Variants in JARID2 observed in about 807,000 individuals in gnomAD.
JARID2 encodes the protein protein Jumonji.
Under a neutral mutation model 125.6 loss-of-function variants are expected in JARID2, and 21 were observed. The ratio of observed to expected loss-of-function variants is 0.17; its 90% CI spans 0.12 to 0.24. The LOEUF is 0.24. JARID2 is among the 10% of genes least tolerant of loss of function. The pLI is 1.00. For missense variants in JARID2, 1,303 were observed against 1,639.6 expected, an observed-to-expected ratio of 0.79 and a Z score of 3.55; for synonymous variants, 736 against 661.6, an observed-to-expected ratio of 1.11 and a Z score of -1.73.
At position 15,483,109 on chromosome 6, in the gene JARID2, A is replaced by G. The variant is rs1200421758; in HGVS notation, c.671-4198A>G. Among the ~76,000 whole-genome samples, 7 of 152,360 alleles carry G rather than the reference A, an allele frequency of 4.6e-5. No homozygotes were observed. The East Asian group carries it at 1.2e-3, about 25-fold the overall frequency. On this transcript the variant is annotated intron_variant, in intron 5 of 17. Transcript: ENST00000341776. ...GTTCATTTTTGAAAAAAATCTAGTAACTAAGTAAAAACTACAAATAACTAA... is the reference window on the plus strand; with the variant it reads ...GTTCATTTTTGAAAAAAATCTAGTAGCTAAGTAAAAACTACAAATAACTAA...
intron 11 of JARID2, 140 bp downstream of exon 11, chr6:15,507,556 T>A (rs1771063149): frequency 1.5e-6 from 1 of 658,358 alleles, no homozygotes; most frequent in African/African-American, 1.8e-5. Context: ...CAGTGAAAAT[T>A]GATTTTTAGA....
chr6:15,306,046 T>C (rs990287373), intron 1 of JARID2, among the ~76,000 whole-genome samples: 2 of 151,882 alleles, frequency 1.3e-5, no homozygotes, highest in Non-Finnish European at 2.9e-5. Context: ...CAAATCTATC[T>C]TTCTAAACGT....
At chr6:15,356,540 G>A (rs1763606114) in intron 1 of JARID2, among the ~76,000 whole-genome samples, 1 of 152,038 alleles carries the variant, frequency 6.6e-6, no homozygotes, top group Non-Finnish European at 1.5e-5. Context: ...TGTTTCATAT[G>A]TAAGGGAGAG....
At chr6:15,486,829 CAG>C (rs1194837565) in intron 5 of JARID2, among the ~76,000 whole-genome samples, 3 of 34,474 alleles carry the variant, frequency 8.7e-5, no homozygotes, top group Non-Finnish European at 1.4e-4. Context: ...TTTTTTGAGA[CAG>C]AGTCTCGCTC....
chr6:15,248,680 C>T, intron 1 of JARID2: 1 of 153,448 alleles, frequency 6.5e-6, no homozygotes, highest in Non-Finnish European at 1.4e-5. Flanking sequence ...AGCCCTTCTT[C>T]CCTCCCTCCG....
At chr6:15,302,506 G>T (rs1171542578) in intron 1 of JARID2, among the ~76,000 whole-genome samples, 1 of 152,046 alleles carries the variant, frequency 6.6e-6, no homozygotes, top group Non-Finnish European at 1.5e-5. Context: ...TAATCAGGAA[G>T]ATTTATTCCT....
At chr6:15,375,051 TC>T in intron 2 of JARID2, among the ~76,000 whole-genome samples, 1 of 152,258 alleles carries the variant, frequency 6.6e-6, no homozygotes, top group Middle Eastern at 3.4e-3. Flanking sequence ...ATGGCTCTGG[TC>T]TTAGGAGAGT....
At position 15,496,489 on chromosome 6, in the gene JARID2, G is replaced by A. The variant is rs903863527; in HGVS notation, c.1264G>A (p.Val422Met). ...RLNPKSCTKE[V>M]GGRQLREGLQ... is the part of the protein sequence containing the mutation. ...GAACCCAAAGTCATGCACTAAGGAGGTGGGGGGGCGGCAGCTGCGGGAGGG... is the reference window on the plus strand; with the variant it reads ...GAACCCAAAGTCATGCACTAAGGAGATGGGGGGGCGGCAGCTGCGGGAGGG... The change falls in exon 7 of 18, where the codon GTG (valine) becomes ATG (methionine). Residue 422 changes from valine (V) to methionine (M), a missense_variant. Physicochemically the swap from Val to Met is conservative, Grantham distance 21. Transcript: ENST00000341776. 9 of 1,610,438 alleles carry A rather than the reference G, an allele frequency of 5.6e-6. No individual in the cohort carries two copies. The highest frequency in any genetic ancestry group is 1.3e-5 in the African/African-American group (1 of 74,892).
At chr6:15,352,424 G>A (rs138172496) in intron 1 of JARID2, among the ~76,000 whole-genome samples, 2 of 152,272 alleles carry the variant, frequency 1.3e-5, no homozygotes, top group East Asian at 3.9e-4. Context: ...CAGCTCAGAT[G>A]TAGATTACTA....
intron 1 of JARID2, among the ~76,000 whole-genome samples, chr6:15,370,562 C>G (rs1011096634): frequency 3.3e-5 from 5 of 151,848 alleles, no homozygotes; most frequent in African/African-American, 1.2e-4. Flanking sequence ...AGGATGGTCT[C>G]GATCTCCTGA....
At chr6:15,363,713 A>T (rs989378073) in intron 1 of JARID2, among the ~76,000 whole-genome samples, 1 of 152,220 alleles carries the variant, frequency 6.6e-6, no homozygotes, top group Non-Finnish European at 1.5e-5. Context: ...GTGGAAGAGA[A>T]TATGTACAGG....
At chr6:15,395,411 G>A (rs1765184416) in intron 2 of JARID2, among the ~76,000 whole-genome samples, 1 of 151,792 alleles carries the variant, frequency 6.6e-6, no homozygotes, top group Non-Finnish European at 1.5e-5. Flanking sequence ...GACTACAGGC[G>A]TGCACCACTG....
chr6:15,436,690 C>T (rs1000972103), intron 3 of JARID2, among the ~76,000 whole-genome samples: 1 of 152,142 alleles, frequency 6.6e-6, no homozygotes, highest in South Asian at 2.1e-4. Context: ...ATTCCCAGCA[C>T]TCCTGTATCA....
At chr6:15,410,768 G>T (rs143047487) in intron 3 of JARID2, among the ~76,000 whole-genome samples, 1 of 152,174 alleles carries the variant, frequency 6.6e-6, no homozygotes, top group Non-Finnish European at 1.5e-5. Flanking sequence ...TTTCTGAGAC[G>T]TTTTTTCCTT....
At chr6:15,371,288 A>T (rs1764161918) in intron 1 of JARID2, among the ~76,000 whole-genome samples, 1 of 152,358 alleles carries the variant, frequency 6.6e-6, no homozygotes, top group East Asian at 1.9e-4. Context: ...GGATGCAATA[A>T]ATCGTCATGG....
At chr6:15,384,218 C>G (rs1340057950) in intron 2 of JARID2, among the ~76,000 whole-genome samples, 1 of 152,194 alleles carries the variant, frequency 6.6e-6, no homozygotes, top group Non-Finnish European at 1.5e-5. Context: ...TCCTGAGTAG[C>G]TTGGACCACA....
intron 1 of JARID2, among the ~76,000 whole-genome samples, chr6:15,340,627 A>G (rs1763035734): frequency 6.6e-6 from 1 of 152,204 alleles, no homozygotes; most frequent in African/African-American, 2.4e-5. Context: ...TTATTCATTC[A>G]TTCCTAGGAC....
At chr6:15,461,434 A>G (rs1768443833) in intron 4 of JARID2, among the ~76,000 whole-genome samples, 2 of 152,176 alleles carry the variant, frequency 1.3e-5, no homozygotes, top group Admixed American at 1.3e-4. Context: ...GAGAGCTGTA[A>G]TCCAGGAGGA....
intron 5 of JARID2, among the ~76,000 whole-genome samples, chr6:15,469,835 GT>G (rs943966578): frequency 6.6e-6 from 1 of 152,088 alleles, no homozygotes; most frequent in African/African-American, 2.4e-5. Flanking sequence ...CAGCACAGAG[GT>G]AGTCCTGAAC....
Sources: gnomAD v4.1 joint callset for allele counts (sites outside exome capture counted in the v4.1 genomes callset) on GRCh38, gnomAD v4.1.1 for gene constraint, MANE v1.5 for transcripts, NCBI Gene and HGNC (gene_info 2026-07-23, HGNC 2026-07-21) for gene names.